PSME3IP1: variants seen among roughly 807,000 people sequenced by gnomAD.
PSME3IP1 encodes PSME3-interacting protein.
PSME3IP1 carries 13 observed loss-of-function variants against 34.1 expected under a neutral mutation model. The ratio of observed to expected loss-of-function variants is 0.38; its 90% CI spans 0.25 to 0.61. The LOEUF (loss-of-function observed/expected upper bound fraction) is 0.61, where lower values mean the gene tolerates loss of function less well. Among genes scored for constraint, PSME3IP1 ranks in the 20% least tolerant of loss-of-function variants. PSME3IP1 has a pLI of 0.60. For synonymous variants in PSME3IP1, 93 were observed against 114.3 expected (o/e 0.81, Z 1.19); for missense variants, 237 against 301.4 (o/e 0.79, Z 1.58).
intron 1 of PSME3IP1, among the ~76,000 whole-genome samples, chr16:57,175,953 C>G (rs1296649409): frequency 6.6e-6 from 1 of 152,174 alleles, no homozygotes; most frequent in Non-Finnish European, 1.5e-5. Flanking sequence ...TTTAATGTAA[C>G]AATAAGAGCG....
intron 6 of PSME3IP1, among the ~76,000 whole-genome samples, chr16:57,160,296 C>CAAAAAAAAAAAAAAAAGAAAA (rs202138648): frequency 1.3e-5 from 1 of 79,128 alleles, no homozygotes; most frequent in African/African-American, 5.1e-5. Flanking sequence ...GACTCCGTCT[C>CAAAAAAAAAAAAAAAAGAAAA]AAAAAAAAAA....
intron 6 of PSME3IP1, among the ~76,000 whole-genome samples, chr16:57,161,053 G>A (rs1303203475): frequency 6.6e-6 from 1 of 152,152 alleles, no homozygotes; most frequent in African/African-American, 2.4e-5. Flanking sequence ...AAATTAAAAG[G>A]TATATTAGCC....
chr16:57,152,733 A>G lies in PSME3IP1; in HGVS notation c.*1557T>C, dbSNP rs1223598479. 6.5e-6 allele frequency: 1 copy of G among 152,714 alleles called. No individual in the cohort carries two copies. Among genetic ancestry groups the G allele is most frequent in the African/African-American group, 2.4e-5 (1 of 41,476 alleles). 9.5% of individuals were successfully genotyped at this position (152,714 alleles called of 1,614,324 possible). A position where few individuals can be genotyped will look rare whatever the true frequency, so the allele number is the denominator to read the frequency against. On this transcript the variant is annotated 3_prime_UTR_variant, in exon 7 of 7. Transcript: ENST00000309137. ...AGAAGGTGCCTACAAAGTTTTACCT[A>G]AATGTCTTGTTTGTCAGGATGGAGC...
intron 6 of PSME3IP1, among the ~76,000 whole-genome samples, chr16:57,162,203 G>A (rs554415604): frequency 6.9e-4 from 105 of 152,266 alleles, no homozygotes; most frequent in African/African-American, 2.4e-3. Flanking sequence ...CGCCTGGCCT[G>A]TGATTATTAA....
At chr16:57,179,427 T>C (rs576702761) in intron 1 of PSME3IP1, among the ~76,000 whole-genome samples, 166 of 152,364 alleles carry the variant, frequency 1.1e-3, no homozygotes, top group Non-Finnish European at 2.0e-3. Flanking sequence ...TGGGTTTACA[T>C]TGGAGACCGT....
chr16:57,163,591 C>G (rs945297671), intron 6 of PSME3IP1, among the ~76,000 whole-genome samples: 28 of 152,208 alleles, frequency 1.8e-4, no homozygotes, highest in African/African-American at 6.8e-4. Flanking sequence ...TATTAAGCTT[C>G]TAGGCTCAAT....
At chr16:57,162,678 A>AG (rs2071400392) in intron 6 of PSME3IP1, among the ~76,000 whole-genome samples, 1 of 152,074 alleles carries the variant, frequency 6.6e-6, no homozygotes, top group African/African-American at 2.4e-5. Flanking sequence ...AAAAAAAAAA[A>AG]AAAAAATTGT....
At chr16:57,168,639 T>C (rs1435244803) in intron 4 of PSME3IP1, among the ~76,000 whole-genome samples, 2 of 151,578 alleles carry the variant, frequency 1.3e-5, no homozygotes, top group Non-Finnish European at 2.9e-5. Flanking sequence ...CTGTCTCTAC[T>C]AAAAAGACAA....
At chr16:57,166,799 G>A (rs2071928253) in intron 5 of PSME3IP1, among the ~76,000 whole-genome samples, 1 of 152,202 alleles carries the variant, frequency 6.6e-6, no homozygotes. Flanking sequence ...GTACTTCATA[G>A]GGTTGTTGAA....
intron 6 of PSME3IP1, among the ~76,000 whole-genome samples, chr16:57,155,829 G>A (rs1041086289): frequency 5.3e-5 from 8 of 151,154 alleles, no homozygotes; most frequent in East Asian, 1.9e-4. Flanking sequence ...AAAACTAGTC[G>A]GGTATAGTGG....
chr16:57,184,987 T>C (rs1187843202), intron 1 of PSME3IP1, among the ~76,000 whole-genome samples: 1 of 152,230 alleles, frequency 6.6e-6, no homozygotes, highest in African/African-American at 2.4e-5. Flanking sequence ...TTCCATTTTA[T>C]GGTGTCCCTG....
intron 4 of PSME3IP1, among the ~76,000 whole-genome samples, chr16:57,168,879 A>AT (rs1354683745): frequency 1.4e-5 from 2 of 147,668 alleles, no homozygotes; most frequent in African/African-American, 4.9e-5. Context: ...GCATGTTGTG[A>AT]TTTTTTATCT....
intron 4 of PSME3IP1, among the ~76,000 whole-genome samples, chr16:57,167,455 A>T (rs992920384): frequency 4.6e-5 from 7 of 152,202 alleles, no homozygotes; most frequent in Non-Finnish European, 7.3e-5. Context: ...TTTTCCTCTG[A>T]TTCTCAATGA....
chr16:57,176,634 T>C (rs554028159), intron 1 of PSME3IP1, among the ~76,000 whole-genome samples: 1 of 152,356 alleles, frequency 6.6e-6, no homozygotes, highest in East Asian at 1.9e-4. Flanking sequence ...ATGACCATAC[T>C]TCAGTTGTTT....
At chr16:57,164,155 G>A (rs2071585403) in intron 5 of PSME3IP1, 90 bp from the exon 6 acceptor site, 2 of 1,034,654 alleles carry the variant, frequency 1.9e-6, no homozygotes, top group African/African-American at 1.6e-5. Context: ...ATTTATATGG[G>A]TCTTAGGCAG....
chr16:57,176,746 GA>G (rs1355242338), intron 1 of PSME3IP1, among the ~76,000 whole-genome samples: 3 of 152,132 alleles, frequency 2.0e-5, no homozygotes, highest in Non-Finnish European at 1.5e-5. Context: ...ATGTCTGAAG[GA>G]AATGAATTTA....
At chr16:57,157,330 A>AAAAAG (rs1555484038) in intron 6 of PSME3IP1, among the ~76,000 whole-genome samples, 1 of 148,996 alleles carries the variant, frequency 6.7e-6, no homozygotes, top group Admixed American at 6.7e-5. Flanking sequence ...AAAAAAAAAA[A>AAAAAG]AAGAAGAAGA....
chr16:57,182,687 A>T (rs2146007423), intron 1 of PSME3IP1, among the ~76,000 whole-genome samples: 1 of 132,382 alleles, frequency 7.6e-6, no homozygotes, highest in Admixed American at 8.7e-5. Flanking sequence ...AGGCAGGTGG[A>T]TCACCTGAGG....
At chr16:57,172,913 GGA>G in intron 2 of PSME3IP1, 39 bp from the exon 3 acceptor site, 1 of 1,220,940 alleles carries the variant, frequency 8.2e-7, no homozygotes, top group East Asian at 2.3e-5. Flanking sequence ...TGGACGGGGA[GGA>G]GATATACACT....
Sources: gnomAD v4.1 joint callset for allele counts (sites outside exome capture counted in the v4.1 genomes callset) on GRCh38, gnomAD v4.1.1 for gene constraint, MANE v1.5 for transcripts, NCBI Gene and HGNC (gene_info 2026-07-23, HGNC 2026-07-21) for gene names.